The following TNFSF4 variants were observed in gnomAD, a reference collection of about 807,000 sequenced individuals.
TNFSF4 encodes TNF superfamily member 4, also known as tumor necrosis factor ligand superfamily member 4.
TNFSF4 carries 4 observed loss-of-function variants against 7.3 expected under a neutral mutation model. The observed-to-expected ratio is 0.55, with a 90% CI of 0.27 to 1.25. The LOEUF is 1.25. Ranked by LOEUF, TNFSF4 falls within the 50% of genes most tolerant of loss-of-function variation. The probability of loss-of-function intolerance (pLI) is 0.12; values close to 1 mark genes in which losing one functional copy is unlikely to be tolerated. For missense variants in TNFSF4, 181 were observed against 208.8 expected (o/e 0.87, Z 0.82); for synonymous variants, 76 against 83.7 (o/e 0.91, Z 0.50).
At chr1:173,374,940 T>C in the TNFSF4 span, among the ~76,000 whole-genome samples, 1 of 152,176 alleles carries the variant, frequency 6.6e-6, no homozygotes, top group African/African-American at 2.4e-5. Flanking sequence ...TCTCATAGGA[T>C]TTCTCAGTTT....
At chr1:173,261,528 A>G in the TNFSF4 span, among the ~76,000 whole-genome samples, 8 of 152,172 alleles carry the variant, frequency 5.3e-5, no homozygotes, top group Non-Finnish European at 1.0e-4. Context: ...AAAAAAATCA[A>G]TGAAACCAGC....
At chr1:173,242,396 T>A in the TNFSF4 span, among the ~76,000 whole-genome samples, 1 of 152,178 alleles carries the variant, frequency 6.6e-6, no homozygotes, top group Non-Finnish European at 1.5e-5. Context: ...AGGATATTGC[T>A]TGACAATTAG....
At chr1:173,239,818 T>A in the TNFSF4 span, among the ~76,000 whole-genome samples, 1 of 151,994 alleles carries the variant, frequency 6.6e-6, no homozygotes, top group African/African-American at 2.4e-5. Context: ...ATCACTTGAG[T>A]CCAGGAGTTC....
At chr1:173,301,162 A>T in the TNFSF4 span, among the ~76,000 whole-genome samples, 6 of 151,966 alleles carry the variant, frequency 3.9e-5, no homozygotes, top group African/African-American at 1.4e-4. Context: ...ACACATGAAC[A>T]GAGCAAATGA....
the TNFSF4 span, among the ~76,000 whole-genome samples, chr1:173,323,416 A>T: frequency 6.6e-6 from 1 of 151,860 alleles, no homozygotes; most frequent in Non-Finnish European, 1.5e-5. Context: ...CAAAGGTAAA[A>T]ACAGAGCAGA....
At chr1:173,301,902 T>C in the TNFSF4 span, among the ~76,000 whole-genome samples, 2 of 132,182 alleles carry the variant, frequency 1.5e-5, no homozygotes, top group Admixed American at 8.8e-5. Context: ...CTCACATAAA[T>C]TGATTCAACT....
At chr1:173,243,112 A>G in the TNFSF4 span, among the ~76,000 whole-genome samples, 2 of 147,546 alleles carry the variant, frequency 1.4e-5, no homozygotes, top group East Asian at 2.0e-4. Flanking sequence ...CTTAATGCCT[A>G]TTGCCCCAGG....
chr1:173,183,203 A>C (rs1649086937), downstream of TNFSF4, among the ~76,000 whole-genome samples: 1 of 149,588 alleles, frequency 6.7e-6, no homozygotes, highest in South Asian at 2.1e-4. Context: ...GAGAAAGAGG[A>C]GGGGTGATGA....
chr1:173,385,126 G>A, the TNFSF4 span, among the ~76,000 whole-genome samples: 1 of 152,146 alleles, frequency 6.6e-6, no homozygotes, highest in African/African-American at 2.4e-5. Context: ...AGTATAAATA[G>A]GAAGTAAGAC....
the TNFSF4 span, among the ~76,000 whole-genome samples, chr1:173,386,084 T>A: frequency 1.0e-3 from 154 of 152,238 alleles, no homozygotes; most frequent in African/African-American, 3.6e-3. Flanking sequence ...GCCATTTGCA[T>A]CACAGGCCCA....
At chr1:173,253,356 G>A in the TNFSF4 span, among the ~76,000 whole-genome samples, 4 of 152,146 alleles carry the variant, frequency 2.6e-5, no homozygotes, top group East Asian at 1.9e-4. Flanking sequence ...GAAGAAAGCC[G>A]GCAGAAGCTA....
chr1:173,407,942 T>C, the TNFSF4 span, among the ~76,000 whole-genome samples: 1 of 152,164 alleles, frequency 6.6e-6, no homozygotes, highest in Non-Finnish European at 1.5e-5. Flanking sequence ...GGTATGGGAC[T>C]CATGCCCTTA....
At chr1:173,218,336 G>A in the TNFSF4 span, among the ~76,000 whole-genome samples, 1 of 152,016 alleles carries the variant, frequency 6.6e-6, no homozygotes. Flanking sequence ...TTGTTCCTAT[G>A]TGCTGTGGGT....
the TNFSF4 span, among the ~76,000 whole-genome samples, chr1:173,265,517 C>A: frequency 3.9e-5 from 6 of 152,112 alleles, no homozygotes; most frequent in Non-Finnish European, 5.9e-5. Context: ...AAATGGAGAG[C>A]CTGCATAAAC....
the TNFSF4 span, among the ~76,000 whole-genome samples, chr1:173,292,134 T>C: frequency 6.6e-6 from 1 of 152,144 alleles, no homozygotes; most frequent in African/African-American, 2.4e-5. Flanking sequence ...TAACTCTTTC[T>C]ATGAAACCAG....
At chr1:173,405,199 C>A in the TNFSF4 span, among the ~76,000 whole-genome samples, 1 of 152,132 alleles carries the variant, frequency 6.6e-6, no homozygotes, top group South Asian at 2.1e-4. Flanking sequence ...ATATGTTCGA[C>A]TTTGTGGGCC....
At chr1:173,403,366 T>C in the TNFSF4 span, among the ~76,000 whole-genome samples, 1 of 152,204 alleles carries the variant, frequency 6.6e-6, no homozygotes, top group Admixed American at 6.5e-5. Context: ...AACACATAGA[T>C]GCATTTTTAT....
the TNFSF4 span, among the ~76,000 whole-genome samples, chr1:173,353,606 G>A: frequency 6.6e-6 from 1 of 152,170 alleles, no homozygotes; most frequent in Non-Finnish European, 1.5e-5. Context: ...AGGAAAATGT[G>A]TGGTTACTGA....
At chr1:173,270,631 A>G in the TNFSF4 span, among the ~76,000 whole-genome samples, 1 of 152,124 alleles carries the variant, frequency 6.6e-6, no homozygotes, top group Non-Finnish European at 1.5e-5. Context: ...ATGGTGGTAC[A>G]TTTTTTCCCA....
Sources: allele counts gnomAD v4.1 joint callset (sites outside exome capture counted in the v4.1 genomes callset), GRCh38; gene constraint gnomAD v4.1.1; transcripts MANE v1.5; gene names NCBI Gene and HGNC (gene_info 2026-07-23, HGNC 2026-07-21).